LRP1B: variants seen among roughly 807,000 people sequenced by gnomAD.
LRP1B encodes LDL receptor related protein 1B, also known as low-density lipoprotein receptor-related protein 1B.
LRP1B carries 217 observed loss-of-function variants against 556.6 expected under a neutral mutation model. The observed-to-expected ratio is 0.39, with a 90% CI of 0.35 to 0.44. LRP1B has a LOEUF of 0.44. Among genes scored for constraint, LRP1B ranks in the 20% least tolerant of loss-of-function variants. LRP1B has a pLI of 1.00. For synonymous variants in LRP1B, 2,047 were observed against 1,865.8 expected, an observed-to-expected ratio of 1.10 and a Z score of -2.50; for missense variants, 5,053 against 5,620.8, an observed-to-expected ratio of 0.90 and a Z score of 3.23.
At chr2:141,737,767 A>C (rs1449682714) in intron 2 of LRP1B, among the ~76,000 whole-genome samples, 1 of 152,104 alleles carries the variant, frequency 6.6e-6, no homozygotes, top group Admixed American at 6.6e-5. Flanking sequence ...GTGTTGCTCC[A>C]GTTATTGATA....
intron 2 of LRP1B, among the ~76,000 whole-genome samples, chr2:141,656,367 T>C (rs546649799): frequency 3.3e-5 from 5 of 152,280 alleles, no homozygotes; most frequent in Admixed American, 2.6e-4. Context: ...TAAAGATAAA[T>C]GTTTCATCTA....
intron 3 of LRP1B, among the ~76,000 whole-genome samples, chr2:141,284,548 C>A (rs1685633914): frequency 6.6e-6 from 1 of 152,224 alleles, no homozygotes; most frequent in Middle Eastern, 3.4e-3. Flanking sequence ...TAGGAAAATT[C>A]CCACGCACAA....
intron 26 of LRP1B, 84 bp downstream of exon 26, chr2:140,868,015 T>C (rs1164632932): frequency 7.1e-7 from 1 of 1,415,492 alleles, no homozygotes; most frequent in Non-Finnish European, 9.5e-7. Context: ...GTATACATGA[T>C]ACTGACATGT....
intron 2 of LRP1B, among the ~76,000 whole-genome samples, chr2:141,639,349 T>TATATATATATATACATACACAC (rs1262198983): frequency 3.6e-5 from 2 of 56,108 alleles, no homozygotes; most frequent in African/African-American, 1.3e-4. Context: ...TATATATATA[T>TATATATATATATACATACACAC]ACACACACAC....
intron 14 of LRP1B, among the ~76,000 whole-genome samples, chr2:141,007,670 G>A (rs527436631): frequency 3.3e-4 from 50 of 151,498 alleles, no homozygotes; most frequent in Admixed American, 1.6e-3. Flanking sequence ...TCAGATTCTG[G>A]AAAATTAGAA....
At chr2:142,063,634 C>T (rs548656364) in intron 1 of LRP1B, among the ~76,000 whole-genome samples, 43 of 151,540 alleles carry the variant, frequency 2.8e-4, no homozygotes, top group African/African-American at 8.9e-4. Flanking sequence ...AATTCATTTC[C>T]GCTACTTTTA....
chr2:141,809,351 T>C (rs1171157597), intron 2 of LRP1B, among the ~76,000 whole-genome samples: 1 of 152,140 alleles, frequency 6.6e-6, no homozygotes, highest in African/African-American at 2.4e-5. Flanking sequence ...TTGTTATTTC[T>C]ACAATATCAA....
At chr2:141,114,533 T>C (rs1341998105) in intron 7 of LRP1B, among the ~76,000 whole-genome samples, 1 of 152,148 alleles carries the variant, frequency 6.6e-6, no homozygotes, top group African/African-American at 2.4e-5. Flanking sequence ...AAAACTCCTC[T>C]TGATATTCAG....
intron 25 of LRP1B, among the ~76,000 whole-genome samples, chr2:140,870,265 G>T (rs1573823936): frequency 6.6e-6 from 1 of 152,218 alleles, no homozygotes; most frequent in Non-Finnish European, 1.5e-5. Flanking sequence ...GTGAGGTTCT[G>T]CCCTTCACCT....
chr2:140,375,477 C>CTT (rs960108702), intron 68 of LRP1B, among the ~76,000 whole-genome samples: 1 of 152,040 alleles, frequency 6.6e-6, no homozygotes, highest in Non-Finnish European at 1.5e-5. Flanking sequence ...GGTTCTAGGA[C>CTT]TTTTCACTGG....
intron 27 of LRP1B, among the ~76,000 whole-genome samples, chr2:140,852,516 T>C (rs904923792): frequency 1.3e-5 from 2 of 152,214 alleles, no homozygotes; most frequent in Non-Finnish European, 2.9e-5. Context: ...GGCACACCAC[T>C]TTTAGAGGCT....
At position 141,282,084 on chromosome 2, in the gene LRP1B, C is replaced by A. The variant is rs114119244; in HGVS notation, c.344-27443G>T. Among the ~76,000 whole-genome samples the A allele has an allele frequency of 5.9e-3, 902 of 151,998 alleles. 10 individuals carry two copies. The highest frequency in any genetic ancestry group is 0.02 in the African/African-American group (836 of 41,480). On this transcript the variant is annotated intron_variant, in intron 3 of 90. Coordinates refer to ENST00000389484, the MANE Select transcript of LRP1B (RefSeq NM_018557.3). ...TATGTCATAGTGCCTGTACAAATTT[C>A]TTTTGGATGACCTTGAAAAAGTAAC...
At chr2:142,076,112 C>A (rs974923946) in intron 1 of LRP1B, among the ~76,000 whole-genome samples, 2 of 152,044 alleles carry the variant, frequency 1.3e-5, no homozygotes, top group African/African-American at 2.4e-5. Context: ...TAAAATGTGA[C>A]CTTTACTGTT....
chr2:140,342,570 A>G (rs574152076), intron 77 of LRP1B, among the ~76,000 whole-genome samples: 205 of 151,734 alleles, frequency 1.4e-3, no homozygotes, highest in Non-Finnish European at 2.5e-3. Context: ...GTTCATATAT[A>G]GAGATATGCT....
At chr2:140,911,889 A>G (rs966933342) in intron 21 of LRP1B, among the ~76,000 whole-genome samples, 4 of 151,820 alleles carry the variant, frequency 2.6e-5, no homozygotes, top group Admixed American at 2.0e-4. Flanking sequence ...ATCAATATCA[A>G]TCTTTTAGAG....
chr2:140,363,584 G>C (rs1682616700), intron 72 of LRP1B, among the ~76,000 whole-genome samples: 1 of 151,438 alleles, frequency 6.6e-6, no homozygotes, highest in South Asian at 2.1e-4. Context: ...TGATTACCCA[G>C]AGTTTATTTC....
intron 3 of LRP1B, among the ~76,000 whole-genome samples, chr2:141,356,777 G>T (rs1688642611): frequency 6.6e-6 from 1 of 152,056 alleles, no homozygotes; most frequent in Non-Finnish European, 1.5e-5. Context: ...GTCTATGCAT[G>T]AATATTGCAT....
intron 1 of LRP1B, among the ~76,000 whole-genome samples, chr2:141,822,198 G>C (rs1574400428): frequency 6.8e-6 from 1 of 147,560 alleles, no homozygotes; most frequent in East Asian, 2.0e-4. Flanking sequence ...AAGAGACAAA[G>C]GATATATATT....
intron 7 of LRP1B, among the ~76,000 whole-genome samples, chr2:141,071,312 A>T (rs1188882452): frequency 2.0e-5 from 3 of 151,484 alleles, no homozygotes; most frequent in African/African-American, 7.3e-5. Context: ...ACAACGCTTC[A>T]TGCTAAAAAC....
Sources: gnomAD v4.1 joint callset for allele counts (sites outside exome capture counted in the v4.1 genomes callset) on GRCh38, gnomAD v4.1.1 for gene constraint, MANE v1.5 for transcripts, NCBI Gene and HGNC (gene_info 2026-07-23, HGNC 2026-07-21) for gene names.